The following SYN2 variants were observed in gnomAD, a reference collection of about 807,000 sequenced individuals.
SYN2 encodes the protein synapsin II, also known as synapsin-2.
Under a neutral mutation model 50.9 loss-of-function variants are expected in SYN2, and 19 were observed. That is an observed-to-expected ratio of 0.37 (90% CI 0.26 to 0.55). The LOEUF (loss-of-function observed/expected upper bound fraction) is 0.55, where lower values mean the gene tolerates loss of function less well. SYN2 is among the 20% of genes least tolerant of loss of function. The pLI is 0.81. For missense variants in SYN2, 587 were observed against 576.4 expected (o/e 1.02, Z -0.19); for synonymous variants, 255 against 224.9 (o/e 1.13, Z -1.20).
chr3:12,089,670 A>G (rs1695783417), intron 1 of SYN2, among the ~76,000 whole-genome samples: 1 of 152,196 alleles, frequency 6.6e-6, no homozygotes, highest in African/African-American at 2.4e-5. Flanking sequence ...TAAGAAAAGA[A>G]TCTAGCAGGA....
At chr3:12,109,433 A>T (rs1696268922) in intron 1 of SYN2, among the ~76,000 whole-genome samples, 1 of 152,176 alleles carries the variant, frequency 6.6e-6, no homozygotes, top group Admixed American at 6.5e-5. Context: ...TGCCTTTGGG[A>T]TGTGATTGAG....
chr3:12,004,541 C>A lies in SYN2; in HGVS notation c.-11C>A. ...CCCGTAGCCCCGCGCGCCCCCAGCC[C>A]TTTAAGCCAGATGATGAACTTCCTG... On this transcript the variant is annotated 5_prime_UTR_variant, in exon 1 of 13. Transcript: ENST00000621198. 1 of 642,044 alleles carries A rather than the reference C, an allele frequency of 1.6e-6. No individual in the cohort carries two copies. The highest frequency in any genetic ancestry group is 3.2e-5 in the East Asian group (1 of 30,952). 39.8% of individuals were successfully genotyped at this position (642,044 alleles called of 1,614,324 possible).
At chr3:12,085,113 A>T (rs868556061) in intron 1 of SYN2, among the ~76,000 whole-genome samples, 3 of 14,222 alleles carry the variant, frequency 2.1e-4, no homozygotes, top group East Asian at 6.7e-3. Context: ...CTGGGTAAAA[A>T]AAAAAAAAAA....
chr3:12,190,176 T>C (rs1159066634), intron 12 of SYN2, among the ~76,000 whole-genome samples: 1 of 152,254 alleles, frequency 6.6e-6, no homozygotes, highest in Non-Finnish European at 1.5e-5. Context: ...ATTTAGCCCT[T>C]GGGCATTTCA....
chr3:12,071,815 G>C (rs1695360199), intron 1 of SYN2: 1 of 163,542 alleles, frequency 6.1e-6, no homozygotes, highest in Non-Finnish European at 1.3e-5. Context: ...GTCTGTCAGG[G>C]TTGGAAAAGT....
chr3:12,036,257 A>T (rs980597143), intron 1 of SYN2, among the ~76,000 whole-genome samples: 2 of 151,992 alleles, frequency 1.3e-5, no homozygotes, highest in African/African-American at 4.8e-5. Context: ...CCCTAATTGT[A>T]GGGGAGGGGT....
At chr3:12,160,183 T>TG (rs1697614574) in intron 5 of SYN2, among the ~76,000 whole-genome samples, 1 of 152,200 alleles carries the variant, frequency 6.6e-6, no homozygotes, top group African/African-American at 2.4e-5. Context: ...GGATTATTGC[T>TG]GTGGGATGTT....
In SYN2 at chr3:12,140,786, C is replaced by G; in HGVS notation, c.435+78C>G. 3 of 718,294 alleles carry G rather than the reference C, an allele frequency of 4.2e-6. No individual in the cohort carries two copies. The South Asian group carries it at 4.4e-5, about 11-fold the overall frequency. The allele number at this position is 718,294 out of a possible 1,614,324, so 44.5% of individuals were successfully genotyped here. A position where few individuals can be genotyped will look rare whatever the true frequency, so the allele number is the denominator to read the frequency against. On this transcript the variant is annotated intron_variant, in intron 2 of 12. Coordinates refer to ENST00000621198, the MANE Select transcript of SYN2 (RefSeq NM_133625.6). Reference sequence around the variant, plus strand: ...ACATGCCAGAGTGAACCATCTCGTTCTGCTGAGTGGAATACTGTGTCCATC... The same window carrying G: ...ACATGCCAGAGTGAACCATCTCGTTGTGCTGAGTGGAATACTGTGTCCATC...
intron 1 of SYN2, among the ~76,000 whole-genome samples, chr3:12,041,178 CTG>C (rs892446541): frequency 6.6e-6 from 1 of 152,162 alleles, no homozygotes; most frequent in African/African-American, 2.4e-5. Flanking sequence ...CTGTTGAAAG[CTG>C]CCGGATCATG....
At chr3:12,128,921 A>G (rs574158960) in intron 1 of SYN2, among the ~76,000 whole-genome samples, 33 of 152,336 alleles carry the variant, frequency 2.2e-4, no homozygotes, top group Non-Finnish European at 3.8e-4. Context: ...CAGGCATTGT[A>G]ACAGAGCTGG....
At chr3:12,016,073 C>T (rs1032662849) in intron 1 of SYN2, among the ~76,000 whole-genome samples, 7 of 152,306 alleles carry the variant, frequency 4.6e-5, no homozygotes, top group Non-Finnish European at 1.0e-4. Context: ...CAACTGAAAA[C>T]TGTTTCTTTT....
chr3:12,049,224 G>A (rs983691539), intron 1 of SYN2, among the ~76,000 whole-genome samples: 1 of 151,946 alleles, frequency 6.6e-6, no homozygotes, highest in African/African-American at 2.4e-5. Context: ...GGAGTTGTAG[G>A]AAGAACATTA....
intron 5 of SYN2, chr3:12,158,537 G>T: frequency 1.0e-6 from 1 of 1,000,150 alleles, no homozygotes; most frequent in Non-Finnish European, 1.4e-6. Flanking sequence ...GGGCTTGCAA[G>T]GTTGCTATGG....
At position 12,129,812 on chromosome 3, in the gene SYN2, A is replaced by G. The variant is rs576109463; in HGVS notation, c.378-10839A>G. On this transcript the variant is annotated intron_variant, in intron 1 of 12. Transcript: ENST00000621198. ...TATGGGCTGAATGTTTGTGTCCCCC[A>G]AATTTATATGTTGAAGCCCTAACCT... 5.3e-5 allele frequency among the ~76,000 whole-genome samples: 8 copies of G among 152,210 alleles called. No homozygotes were observed. In the East Asian group the frequency reaches 9.7e-4, roughly 18 times the overall value.
At chr3:12,102,452 T>C (rs988504097) in intron 1 of SYN2, among the ~76,000 whole-genome samples, 1 of 152,144 alleles carries the variant, frequency 6.6e-6, no homozygotes, top group Non-Finnish European at 1.5e-5. Context: ...CAATGTGTCA[T>C]GAAACAAGGA....
chr3:12,057,410 C>T (rs928871004), intron 1 of SYN2, among the ~76,000 whole-genome samples: 2 of 151,314 alleles, frequency 1.3e-5, no homozygotes, highest in Non-Finnish European at 2.9e-5. Flanking sequence ...AAATGAGTTT[C>T]AAATATAGTC....
chr3:12,079,051 A>G (rs999399772), intron 1 of SYN2, among the ~76,000 whole-genome samples: 1 of 151,974 alleles, frequency 6.6e-6, no homozygotes, highest in Non-Finnish European at 1.5e-5. Flanking sequence ...TAGGTATTTT[A>G]TTCTTTTTAG....
At chr3:12,135,154 G>A (rs760388423) in intron 1 of SYN2, among the ~76,000 whole-genome samples, 36 of 152,208 alleles carry the variant, frequency 2.4e-4, no homozygotes, top group Non-Finnish European at 4.0e-4. Flanking sequence ...AGTAGAGTCT[G>A]TGGCTATTCA....
chr3:12,089,226 G>A (rs1015224584), intron 1 of SYN2, among the ~76,000 whole-genome samples: 1 of 152,170 alleles, frequency 6.6e-6, no homozygotes. Flanking sequence ...TGGCTGGGGA[G>A]GCCTCACAAT....
Sources: allele counts gnomAD v4.1 joint callset (sites outside exome capture counted in the v4.1 genomes callset), GRCh38; gene constraint gnomAD v4.1.1; transcripts MANE v1.5; gene names NCBI Gene and HGNC (gene_info 2026-07-23, HGNC 2026-07-21).